The following PTPRD variants were observed in gnomAD, a reference collection of about 807,000 sequenced individuals.
PTPRD encodes protein tyrosine phosphatase receptor type D.
Under a neutral mutation model 214.5 loss-of-function variants are expected in PTPRD, and 34 were observed. The ratio of observed to expected loss-of-function variants is 0.16; its 90% confidence interval spans 0.12 to 0.21. The LOEUF is 0.21. Among genes scored for constraint, PTPRD ranks in the 10% least tolerant of loss-of-function variants. The probability of loss-of-function intolerance (pLI) is 1.00; values close to 1 mark genes in which losing one functional copy is unlikely to be tolerated. For missense variants in PTPRD, 2,545 were observed against 2,398.7 expected (o/e 1.06, Z -1.27); for synonymous variants, 1,128 against 845.7 (o/e 1.33, Z -5.79).
intron 14 of PTPRD, among the ~76,000 whole-genome samples, chr9:8,546,674 AT>A (rs1453948550): frequency 6.6e-6 from 1 of 151,650 alleles, no homozygotes; most frequent in Non-Finnish European, 1.5e-5. Context: ...ACTTTTTTGT[AT>A]TTTTAGTAGA....
At chr9:10,577,018 T>C (rs899627712) in intron 2 of PTPRD, among the ~76,000 whole-genome samples, 10 of 152,176 alleles carry the variant, frequency 6.6e-5, no homozygotes, top group Admixed American at 3.3e-4. Flanking sequence ...AGAACATCTG[T>C]TTCAAAGAAA....
rs2099123331 is a variant in PTPRD at position 8,954,935 on chromosome 9, C to A, written c.-104+63762G>T. ...TATCACTACAGATGCAAAATATAGA[C>A]AACCATGTTCTTTCTCAGATTCATC... is the stretch of plus-strand genomic sequence containing the variant. On this transcript the variant is annotated intron_variant, in intron 11 of 45. Transcript: ENST00000381196. 3.3e-5 allele frequency among the ~76,000 whole-genome samples: 5 copies of A among 151,842 alleles called. No homozygotes were observed. In the Admixed American group the frequency reaches 3.3e-4, roughly 10 times the overall value.
intron 5 of PTPRD, among the ~76,000 whole-genome samples, chr9:9,867,419 A>G (rs2064252961): frequency 6.6e-6 from 1 of 152,166 alleles, no homozygotes; most frequent in African/African-American, 2.4e-5. Context: ...TATGATACCT[A>G]TCTTCCAAAC....
intron 2 of PTPRD, among the ~76,000 whole-genome samples, chr9:10,565,620 T>C (rs1454108541): frequency 2.0e-5 from 3 of 152,100 alleles, no homozygotes; most frequent in Non-Finnish European, 4.4e-5. Context: ...CCCCTTTGGA[T>C]AATGTATAAC....
intron 9 of PTPRD, among the ~76,000 whole-genome samples, chr9:9,312,885 G>A (rs142976387): frequency 1.3e-5 from 2 of 152,312 alleles, no homozygotes; most frequent in African/African-American, 4.8e-5. Context: ...TGAACTACGT[G>A]TTAGTCGCAG....
At chr9:10,113,341 C>T (rs758214475) in intron 3 of PTPRD, among the ~76,000 whole-genome samples, 3 of 152,174 alleles carry the variant, frequency 2.0e-5, no homozygotes, top group Non-Finnish European at 2.9e-5. Context: ...TTGCTAGTTT[C>T]ACTCTCAGGC....
chr9:9,518,761 TTC>T (rs528293345), intron 8 of PTPRD, among the ~76,000 whole-genome samples: 112 of 142,486 alleles, frequency 7.9e-4, no homozygotes, highest in South Asian at 1.5e-3. Context: ...CACAGTAGAA[TTC>T]TAAGACAGAA....
intron 21 of PTPRD, among the ~76,000 whole-genome samples, chr9:8,515,091 G>A (rs1334035820): frequency 6.6e-6 from 1 of 152,134 alleles, no homozygotes; most frequent in East Asian, 1.9e-4. Context: ...TCAGTCATGG[G>A]TATCTCTTTA....
intron 6 of PTPRD, among the ~76,000 whole-genome samples, chr9:9,760,761 G>C (rs1279565736): frequency 6.6e-6 from 1 of 152,072 alleles, no homozygotes; most frequent in Non-Finnish European, 1.5e-5. Context: ...CACTGAAGAA[G>C]ATAGACAGAT....
chr9:8,335,385 C>T (rs188930702), intron 43 of PTPRD, among the ~76,000 whole-genome samples: 8 of 152,220 alleles, frequency 5.3e-5, no homozygotes, highest in Admixed American at 3.3e-4. Context: ...GAACCAATGA[C>T]AAAAACCACA....
chr9:8,421,701 T>A (rs551133596), intron 35 of PTPRD, among the ~76,000 whole-genome samples: 8 of 151,976 alleles, frequency 5.3e-5, no homozygotes, highest in African/African-American at 1.7e-4. Context: ...GCCCTTAGTT[T>A]CCCTCCATCA....
intron 8 of PTPRD, among the ~76,000 whole-genome samples, chr9:9,513,012 G>A (rs1039115617): frequency 1.3e-5 from 2 of 151,664 alleles, no homozygotes; most frequent in African/African-American, 4.8e-5. Flanking sequence ...CTTTCTTTTG[G>A]GATCTAGATG....
rs559277255 is a variant in PTPRD, at chr9:9,653,930, G to T, written c.-286-79149C>A. ...GCTTATTTAAATGATGTTTCTGGTGGTTTTTATTATATATAAACTTTTTTA... is the reference window on the plus strand; with the variant it reads ...GCTTATTTAAATGATGTTTCTGGTGTTTTTTATTATATATAAACTTTTTTA... On this transcript the variant is annotated intron_variant, in intron 7 of 45. Coordinates refer to ENST00000381196, the MANE Select transcript of PTPRD (RefSeq NM_002839.4). Among the ~76,000 whole-genome samples the T allele has an allele frequency of 6.6e-5, 10 of 152,134 alleles. No homozygotes were observed. In the South Asian group the frequency reaches 2.1e-3, roughly 32 times the overall value.
intron 5 of PTPRD, among the ~76,000 whole-genome samples, chr9:9,884,572 C>A (rs2070085271): frequency 6.6e-6 from 1 of 152,042 alleles, no homozygotes; most frequent in Non-Finnish European, 1.5e-5. Flanking sequence ...CTTGAAGACA[C>A]TATTTGTAGA....
intron 11 of PTPRD, chr9:8,860,673 A>G (rs957961688): frequency 6.6e-6 from 1 of 152,238 alleles, no homozygotes; most frequent in African/African-American, 2.4e-5. Flanking sequence ...GAGTGTCCTA[A>G]TGCTGCAGCA....
chr9:8,468,473 T>C (rs1172517032), intron 31 of PTPRD, among the ~76,000 whole-genome samples: 2 of 151,988 alleles, frequency 1.3e-5, no homozygotes, highest in Non-Finnish European at 2.9e-5. Context: ...CAGTTTGACC[T>C]TGACAATAGG....
chr9:9,979,829 C>T (rs2095478590), intron 4 of PTPRD, among the ~76,000 whole-genome samples: 1 of 152,134 alleles, frequency 6.6e-6, no homozygotes, highest in Non-Finnish European at 1.5e-5. Flanking sequence ...CTAACTCAGA[C>T]ATAGGTCTTT....
chr9:9,924,761 T>A (rs1306041063), intron 5 of PTPRD, among the ~76,000 whole-genome samples: 1 of 152,116 alleles, frequency 6.6e-6, no homozygotes, highest in Non-Finnish European at 1.5e-5. Context: ...AATTAGCTTA[T>A]TCCCTTTGAC....
At chr9:10,374,232 T>C (rs1027463326) in intron 2 of PTPRD, among the ~76,000 whole-genome samples, 1 of 152,104 alleles carries the variant, frequency 6.6e-6, no homozygotes, top group Non-Finnish European at 1.5e-5. Context: ...TAGGCCTTAA[T>C]GCATAAACAA....
Sources: gnomAD v4.1 joint callset for allele counts (sites outside exome capture counted in the v4.1 genomes callset) on GRCh38, gnomAD v4.1.1 for gene constraint, MANE v1.5 for transcripts, NCBI Gene and HGNC (gene_info 2026-07-23, HGNC 2026-07-21) for gene names.